The following FBXO17 variants were observed in gnomAD, a reference collection of about 807,000 sequenced individuals.
The protein encoded by FBXO17 is F-box only protein 17.
Under a neutral mutation model 34.1 loss-of-function variants are expected in FBXO17, and 43 were observed. That is an observed-to-expected ratio of 1.26 (90% CI 0.99 to 1.62). The LOEUF (loss-of-function observed/expected upper bound fraction) is 1.62, where lower values mean the gene tolerates loss of function less well. Among genes scored for constraint, FBXO17 ranks in the 40% most tolerant of loss-of-function variants. The probability of loss-of-function intolerance (pLI) is 0.00; values close to 1 mark genes in which losing one functional copy is unlikely to be tolerated. For missense variants in FBXO17, 424 were observed against 386.7 expected (o/e 1.10, Z -0.81); for synonymous variants, 169 against 166.0 (o/e 1.02, Z -0.14).
intron 3 of FBXO17, 93 bp downstream of exon 3, chr19:38,948,474 G>T (rs1295811325): frequency 1.4e-5 from 12 of 865,458 alleles, no homozygotes; most frequent in African/African-American, 1.7e-5. Context: ...GAAGGAGAGG[G>T]TGAAGGTGAC....
chr19:38,970,555 A>G (rs1297326676), intron 1 of FBXO17, among the ~76,000 whole-genome samples: 1 of 152,132 alleles, frequency 6.6e-6, no homozygotes, highest in East Asian at 1.9e-4. Flanking sequence ...GATGGGAAAT[A>G]TGCAGGTCCA....
intron 1 of FBXO17, among the ~76,000 whole-genome samples, chr19:38,973,539 T>C (rs1473756784): frequency 6.7e-6 from 1 of 149,762 alleles, no homozygotes; most frequent in Non-Finnish European, 1.5e-5. Flanking sequence ...CACTTCGTTT[T>C]CCATTCTTCT....
chr19:38,961,888 C>T (rs922871944), intron 1 of FBXO17, among the ~76,000 whole-genome samples: 5 of 151,966 alleles, frequency 3.3e-5, no homozygotes, highest in Non-Finnish European at 7.4e-5. Flanking sequence ...GTCTTGAACT[C>T]CTGAGCTCAA....
chr19:38,942,488 C>T lies in FBXO17; in HGVS notation c.*120G>A. ...TGTTGCCCAGGCTGGTCTTGAACTC[C>T]CGAGCTCCAGTGATCCTCCCACCTC... On this transcript the variant is annotated 3_prime_UTR_variant, in exon 6 of 6. Transcript: ENST00000292852. The T allele has an allele frequency of 8.9e-7, 1 of 1,127,780 alleles. No homozygotes were observed. Among genetic ancestry groups the T allele is most frequent in the South Asian group, 2.1e-5 (1 of 48,734 alleles). The allele number at this position is 1,127,780 out of a possible 1,614,324, so 69.9% of individuals were successfully genotyped here.
chr19:38,951,156 G>GGTT (rs1466072070), intron 1 of FBXO17, among the ~76,000 whole-genome samples: 2 of 151,828 alleles, frequency 1.3e-5, no homozygotes, highest in Non-Finnish European at 2.9e-5. Flanking sequence ...CAACCTCCTC[G>GGTT]GACCCTAGCT....
chr19:38,942,556 A>T lies in FBXO17; in HGVS notation c.*52T>A. On this transcript the variant is annotated 3_prime_UTR_variant, in exon 6 of 6. Coordinates refer to ENST00000292852, the MANE Select transcript of FBXO17 (RefSeq NM_024907.7). ...GGATTCCACAGGTGTGAGCCACTGC[A>T]CCTGGCTGCAAGGCTGGTCTTGACT... 1.3e-6 allele frequency: 2 copies of T among 1,482,172 alleles called. No homozygotes were observed. The highest frequency in any genetic ancestry group is 1.8e-6 in the Non-Finnish European group (2 of 1,119,908). 91.8% of individuals were successfully genotyped at this position (1,482,172 alleles called of 1,614,324 possible).
At chr19:38,960,237 T>C (rs1349640059) in intron 1 of FBXO17, among the ~76,000 whole-genome samples, 1 of 152,152 alleles carries the variant, frequency 6.6e-6, no homozygotes, top group Non-Finnish European at 1.5e-5. Context: ...AGTTTGTTTT[T>C]GGTCTGTCCA....
intron 1 of FBXO17, among the ~76,000 whole-genome samples, chr19:38,960,712 T>TG (rs1353882745): frequency 3.3e-5 from 5 of 151,836 alleles, no homozygotes; most frequent in African/African-American, 1.2e-4. Context: ...TTTCACATGT[T>TG]GGCCAGGCTG....
intron 1 of FBXO17, among the ~76,000 whole-genome samples, chr19:38,959,916 AC>A: frequency 6.6e-6 from 1 of 152,102 alleles, no homozygotes; most frequent in African/African-American, 2.4e-5. Flanking sequence ...CAAATAAAAA[AC>A]ACCACCACCA....
intron 1 of FBXO17, among the ~76,000 whole-genome samples, chr19:38,963,754 T>C (rs1030252021): frequency 6.6e-5 from 10 of 152,010 alleles, no homozygotes; most frequent in African/African-American, 2.4e-4. Context: ...TGAATATTCA[T>C]GTACAAGTGT....
intron 1 of FBXO17, among the ~76,000 whole-genome samples, chr19:38,962,270 G>C (rs1396865481): frequency 6.6e-6 from 1 of 152,092 alleles, no homozygotes; most frequent in Non-Finnish European, 1.5e-5. Context: ...CTGACATGAT[G>C]CTAAGTTTTT....
Position 38,954,489 on chromosome 19 carries a change from C to T in FBXO17, c.-17-4153G>A, listed in dbSNP as rs149024977. Reference sequence around the variant, plus strand: ...TTCACCATGTTGGCCAGGCTGGTCTCGAACTCCCGAACTCAGGTAATCCAC... The same window carrying T: ...TTCACCATGTTGGCCAGGCTGGTCTTGAACTCCCGAACTCAGGTAATCCAC... On this transcript the variant is annotated intron_variant, in intron 1 of 5. Coordinates refer to ENST00000292852, the MANE Select transcript of FBXO17 (RefSeq NM_024907.7). 6.4e-4 allele frequency among the ~76,000 whole-genome samples: 97 copies of T among 150,544 alleles called. No homozygotes were observed. The East Asian group carries it at 0.018, about 28-fold the overall frequency.
chr19:38,961,296 G>GA (rs1465919363), intron 1 of FBXO17, among the ~76,000 whole-genome samples: 1 of 28,512 alleles, frequency 3.5e-5, no homozygotes, highest in African/African-American at 2.9e-4. Context: ...TTTTTTTTGA[G>GA]ATGGCGTCTT....
rs750439763 is a variant in FBXO17 at position 38,950,053 on chromosome 19, C to G, written c.267G>C (p.Glu89Asp). 22 of 1,568,908 alleles carry G rather than the reference C, an allele frequency of 1.4e-5. No homozygotes were observed. The African/African-American group carries it at 3.0e-4, about 21-fold the overall frequency. Residue 89 changes from glutamate to aspartate, a missense_variant, in exon 2 of 6, where the codon GAG (glutamate) becomes GAC (aspartate). Glu to Asp is a conservative substitution (Grantham distance 45). Transcript: ENST00000292852. ...GCGCCAGGGCGCACAGCGGGAACTC[C>G]TCCTTGTCTTCGTTGCTGGGCAGGC... The part of the protein sequence containing the change: ...QRCLPSNEDK[E>D]EFPLCALARY...
At chr19:38,966,293 T>TTGTGTGTGTGTG (rs10569438) in intron 1 of FBXO17, among the ~76,000 whole-genome samples, 3,488 of 142,944 alleles carry the variant, frequency 0.024, 71 homozygotes, top group Middle Eastern at 0.041. Flanking sequence ...ATTAAAAATT[T>TTGTGTGTGTGTG]TGTGTGTGTG....
intron 1 of FBXO17, among the ~76,000 whole-genome samples, chr19:38,955,861 G>A (rs1975160034): frequency 1.3e-5 from 2 of 152,204 alleles, no homozygotes; most frequent in South Asian, 2.1e-4. Context: ...TTCCCTTTCT[G>A]AAAATGGGGC....
chr19:38,969,228 C>T (rs766890565), intron 1 of FBXO17, among the ~76,000 whole-genome samples: 3 of 151,958 alleles, frequency 2.0e-5, no homozygotes, highest in Non-Finnish European at 2.9e-5. Flanking sequence ...GTGGGATGAT[C>T]GCTTGAGCCC....
At chr19:38,951,126 A>G (rs1425296464) in intron 1 of FBXO17, among the ~76,000 whole-genome samples, 1 of 152,104 alleles carries the variant, frequency 6.6e-6, no homozygotes, top group Non-Finnish European at 1.5e-5. Context: ...TTGTGACCCA[A>G]CCAAGGACAA....
At position 38,942,817 on chromosome 19, in the gene FBXO17, G is replaced by A. The variant is rs567079109; in HGVS notation, c.694-66C>T. On this transcript the variant is annotated intron_variant, in intron 5 of 5. Coordinates refer to ENST00000292852, the MANE Select transcript of FBXO17 (RefSeq NM_024907.7). ...CCCCTTCTCTTCCTCCACTTCAACAGATAGGCCCAAAGGACTGAGGAGGTG... is the reference window on the plus strand; with the variant it reads ...CCCCTTCTCTTCCTCCACTTCAACAAATAGGCCCAAAGGACTGAGGAGGTG... 8 of 1,559,418 alleles carry A rather than the reference G, an allele frequency of 5.1e-6. No homozygotes were observed. In the Admixed American group the frequency reaches 8.3e-5, roughly 16 times the overall value.
Sources: gnomAD v4.1 joint callset for allele counts (sites outside exome capture counted in the v4.1 genomes callset) on GRCh38, gnomAD v4.1.1 for gene constraint, MANE v1.5 for transcripts, NCBI Gene and HGNC (gene_info 2026-07-23, HGNC 2026-07-21) for gene names.